NPRL3: variants seen among roughly 807,000 people sequenced by gnomAD.
NPRL3 encodes GATOR1 complex protein NPRL3.
NPRL3 carries 23 observed loss-of-function variants against 57.2 expected under a neutral mutation model. That is an observed-to-expected ratio of 0.40 (90% CI 0.29 to 0.57). The LOEUF is 0.57. Ranked by LOEUF, NPRL3 falls within the 20% of genes least tolerant of loss-of-function variation. The probability of loss-of-function intolerance (pLI) is 0.42; values close to 1 mark genes in which losing one functional copy is unlikely to be tolerated. For missense variants in NPRL3, 691 were observed against 767.1 expected, an observed-to-expected ratio of 0.90 and a Z score of 1.17; for synonymous variants, 333 against 321.1, an observed-to-expected ratio of 1.04 and a Z score of -0.39.
chr16:116,867 C>T (rs778039010), intron 5 of NPRL3, among the ~76,000 whole-genome samples: 7 of 149,532 alleles, frequency 4.7e-5, no homozygotes, highest in Non-Finnish European at 1.0e-4. Context: ...CCCAGCTACT[C>T]GGGAGGCTGA....
At chr16:122,720 C>T (rs1373039104) in intron 3 of NPRL3, among the ~76,000 whole-genome samples, 1 of 152,158 alleles carries the variant, frequency 6.6e-6, no homozygotes, top group Non-Finnish European at 1.5e-5. Context: ...CTATCACTGC[C>T]GAGCTATTCT....
At chr16:90,073 G>A (rs1005544392) in intron 11 of NPRL3, 171 bp from the exon 12 acceptor site, 1 of 614,048 alleles carries the variant, frequency 1.6e-6, no homozygotes. Flanking sequence ...AGCTCTGCAA[G>A]GCCCGCTCAC....
chr16:131,001 T>C (rs1357544429), intron 2 of NPRL3, among the ~76,000 whole-genome samples: 1 of 152,256 alleles, frequency 6.6e-6, no homozygotes, highest in Non-Finnish European at 1.5e-5. Flanking sequence ...CACTTAATTA[T>C]ACACTTACAA....
chr16:132,816 C>A (rs998834637), intron 2 of NPRL3, among the ~76,000 whole-genome samples: 8 of 151,970 alleles, frequency 5.3e-5, no homozygotes, highest in Admixed American at 2.0e-4. Flanking sequence ...ACTACAGGCG[C>A]CCGCCACTAT....
At chr16:117,628 A>G (rs931668876) in intron 4 of NPRL3, among the ~76,000 whole-genome samples, 1 of 152,164 alleles carries the variant, frequency 6.6e-6, no homozygotes, top group Non-Finnish European at 1.5e-5. Flanking sequence ...CCCACAGGGG[A>G]CGAGATGGAG....
At chr16:90,492 G>A (rs80183261) in intron 11 of NPRL3, 6,458 of 152,558 alleles carry the variant, frequency 0.042, 462 homozygotes, top group African/African-American at 0.15. Context: ...CACCCCCACC[G>A]TGAGAAGGCA....
At chr16:111,792 G>C (rs1899827143) in intron 6 of NPRL3, among the ~76,000 whole-genome samples, 1 of 152,106 alleles carries the variant, frequency 6.6e-6, no homozygotes, top group Non-Finnish European at 1.5e-5. Context: ...GAGTCAGAGA[G>C]GCTGTTCTTT....
At chr16:92,498 A>C in intron 11 of NPRL3, 98 bp downstream of exon 11, 1 of 1,416,732 alleles carries the variant, frequency 7.1e-7, no homozygotes, top group South Asian at 1.2e-5. Flanking sequence ...AGCAGGTGGC[A>C]GTGCTGAGGG....
At chr16:108,388 C>T (rs1272999794) in intron 7 of NPRL3, among the ~76,000 whole-genome samples, 1 of 152,006 alleles carries the variant, frequency 6.6e-6, no homozygotes. Flanking sequence ...TGGCAAAGCT[C>T]GGGGGAAGAG....
chr16:92,768 C>G lies in NPRL3; in HGVS notation c.1032-43G>C, dbSNP rs774111853. 2.1e-5 allele frequency: 34 copies of G among 1,606,722 alleles called. No individual in the cohort carries two copies. In the East Asian group the frequency reaches 7.0e-4, roughly 33 times the overall value. ...TGCCAGTGAGTGCAGCAGACCCCCC[C>G]ACCGTGTTCTCAACACTGGCCTCAG... On this transcript the variant is annotated intron_variant, in intron 10 of 13. Transcript: ENST00000611875.
rs1899875996 is a variant in NPRL3, at chr16:112,793, TAC to T, written c.394-20_394-19del. 1 of 1,569,168 alleles carries T rather than the reference TAC, an allele frequency of 6.4e-7. No individual in the cohort carries two copies. Among genetic ancestry groups the T allele is most frequent in the Middle Eastern group, 1.7e-4 (1 of 5,902 alleles). ...GCGTTGGCCTGCAGGAGAGAGACCA[TAC>T]ACAGACTCAAACGTGTGCACAGGGA... On this transcript the variant is annotated intron_variant, in intron 5 of 13. Coordinates refer to ENST00000611875, the MANE Select transcript of NPRL3 (RefSeq NM_001077350.3).
In NPRL3 at chr16:137,059, A is replaced by T. The variant is rs1362808668; in HGVS notation, c.118+1091T>A. On this transcript the variant is annotated intron_variant, in intron 2 of 13. Transcript: ENST00000611875. ...CCCATCTCTACTAAAAAAAAAAAAA[A>T]AAAAAAAAAAAATTGCAGGGTGTGG... is the stretch of plus-strand genomic sequence containing the variant. Among the ~76,000 whole-genome samples the T allele has an allele frequency of 4.3e-5, 3 of 70,140 alleles. No homozygotes were observed. In the Admixed American group the frequency reaches 5.1e-4, roughly 12 times the overall value. The allele number at this position is 70,140 out of a possible 152,430, so 46.0% of individuals were successfully genotyped here. A position where few individuals can be genotyped will look rare whatever the true frequency, so the allele number is the denominator to read the frequency against.
At chr16:122,136 G>A (rs548150514) in intron 3 of NPRL3, among the ~76,000 whole-genome samples, 9 of 137,946 alleles carry the variant, frequency 6.5e-5, no homozygotes, top group African/African-American at 1.6e-4. Context: ...TTGCTCTGTC[G>A]CCCAGGCTGG....
intron 3 of NPRL3, chr16:119,496 T>G: frequency 1.9e-6 from 1 of 539,340 alleles, no homozygotes; most frequent in Non-Finnish European, 3.3e-6. Context: ...GCACATGCTG[T>G]CATTTTTTGG....
Position 112,622 on chromosome 16 carries a change from C to A in NPRL3, c.547G>T (p.Gly183Ter). 1 of 1,577,514 alleles carries A rather than the reference C, an allele frequency of 6.3e-7. No individual in the cohort carries two copies. Among genetic ancestry groups the A allele is most frequent in the South Asian group, 1.2e-5 (1 of 85,812 alleles). The change falls in exon 6 of 14, where the codon GGA becomes TGA. Residue 183 changes from glycine to a stop codon, truncating the protein, a stop_gained and splice_region_variant. Coordinates refer to ENST00000611875, the MANE Select transcript of NPRL3 (RefSeq NM_001077350.3). LOFTEE classifies it high-confidence loss of function. ...LQDEVSAMADGNEGPQSPFHH... is the reference protein window; with the variant it reads ...LQDEVSAMAD ...GCCCATCACGCCCTGCTGCACTCAC[C>A]ATCAGCCATGGCGGACACCTCATCC... is the stretch of plus-strand genomic sequence containing the variant.
rs780665592 is a variant in NPRL3 at position 110,487 on chromosome 16, A to T, written c.629+38T>A. On this transcript the variant is annotated intron_variant, in intron 7 of 13. Transcript: ENST00000611875. ...TCCTCAGGCCCAGGCAGGCTGGCCC[A>T]TAAGAAGGAGGTTAATAAGCACACC... 4 of 1,557,976 alleles carry T rather than the reference A, an allele frequency of 2.6e-6. No individual in the cohort carries two copies. In the Admixed American group the frequency reaches 7.2e-5, roughly 28 times the overall value.
chr16:113,541 A>G (rs544611384), intron 5 of NPRL3, among the ~76,000 whole-genome samples: 106 of 152,314 alleles, frequency 7.0e-4, no homozygotes, highest in African/African-American at 2.3e-3. Flanking sequence ...AGGCAAGCAC[A>G]TCTGCCCAAG....
chr16:129,805 G>A (rs1340397357), intron 3 of NPRL3, among the ~76,000 whole-genome samples: 1 of 152,176 alleles, frequency 6.6e-6, no homozygotes, highest in Non-Finnish European at 1.5e-5. Flanking sequence ...CGGGACAGTG[G>A]AAGCCAAGTC....
At chr16:110,486 C>A (rs1899753190) in intron 7 of NPRL3, 39 bp downstream of exon 7, 1 of 1,547,730 alleles carries the variant, frequency 6.5e-7, no homozygotes, top group Non-Finnish European at 8.8e-7. Context: ...CAGGCTGGCC[C>A]ATAAGAAGGA....
Sources: gnomAD v4.1 joint callset for allele counts (sites outside exome capture counted in the v4.1 genomes callset) on GRCh38, gnomAD v4.1.1 for gene constraint, MANE v1.5 for transcripts, NCBI Gene and HGNC (gene_info 2026-07-23, HGNC 2026-07-21) for gene names.